Variants in ADGB observed in about 807,000 individuals in gnomAD.
The protein encoded by ADGB is calpain-7-like protein.
A neutral mutation model predicts 210.5 loss-of-function variants in ADGB; 172 were observed. The ratio of observed to expected loss-of-function variants is 0.82; its 90% CI spans 0.72 to 0.93. The LOEUF is 0.93. Ranked by LOEUF, ADGB falls within the 40% of genes least tolerant of loss-of-function variation. ADGB has a pLI of 0.00. For synonymous variants in ADGB, 658 were observed against 662.7 expected (o/e 0.99, Z 0.11); for missense variants, 2,025 against 1,964.8 (o/e 1.03, Z -0.58).
At chr6:146,745,826 A>T in intron 25 of ADGB, 96 bp from the exon 26 acceptor site, 1 of 920,374 alleles carries the variant, frequency 1.1e-6, no homozygotes, top group Middle Eastern at 2.4e-4. Flanking sequence ...CTGTAGGTAT[A>T]TCATAATAAT....
intron 29 of ADGB, among the ~76,000 whole-genome samples, chr6:146,772,595 T>C (rs1254622364): frequency 6.8e-6 from 1 of 147,284 alleles, no homozygotes; most frequent in Non-Finnish European, 1.5e-5. Context: ...CCTATATTAA[T>C]ATGTAATTAT....
chr6:146,622,582 A>G (rs1780910775), intron 1 of ADGB, among the ~76,000 whole-genome samples: 1 of 152,144 alleles, frequency 6.6e-6, no homozygotes. Context: ...AGAGTATTTG[A>G]TCAAATAGCT....
Position 146,601,533 on chromosome 6 carries a change from G to A in ADGB, c.74+2419G>A, listed in dbSNP as rs967775544. 6.6e-5 allele frequency among the ~76,000 whole-genome samples: 10 copies of A among 152,312 alleles called. No homozygotes were observed. The East Asian group carries it at 9.6e-4, about 15-fold the overall frequency. Reference sequence around the variant, plus strand: ...GACAAAGTGTTACTCAGTATGAGGCGTAGGGATCAAAGTCTAGCAAGGCTC... The same window carrying A: ...GACAAAGTGTTACTCAGTATGAGGCATAGGGATCAAAGTCTAGCAAGGCTC... On this transcript the variant is annotated intron_variant, in intron 1 of 35. Coordinates refer to ENST00000397944, the MANE Select transcript of ADGB (RefSeq NM_024694.4).
chr6:146,620,645 A>T (rs1404141521), intron 1 of ADGB, among the ~76,000 whole-genome samples: 1 of 151,428 alleles, frequency 6.6e-6, no homozygotes, highest in Non-Finnish European at 1.5e-5. Flanking sequence ...GTTTTTGAAA[A>T]ATTGTTTCTA....
chr6:146,780,740 A>G (rs559335691), intron 29 of ADGB, among the ~76,000 whole-genome samples: 3 of 152,326 alleles, frequency 2.0e-5, no homozygotes, highest in African/African-American at 7.2e-5. Context: ...CAATTCAACA[A>G]TAATCGTTGG....
chr6:146,623,287 A>C (rs1562257703), intron 1 of ADGB, among the ~76,000 whole-genome samples: 2 of 151,970 alleles, frequency 1.3e-5, no homozygotes, highest in South Asian at 2.1e-4. Context: ...TTGATGTCTT[A>C]ACTATATTGA....
intron 4 of ADGB, 35 bp downstream of exon 4, chr6:146,654,241 G>A: frequency 6.9e-7 from 1 of 1,439,758 alleles, no homozygotes; most frequent in Non-Finnish European, 9.5e-7. Context: ...GTCTCACCAT[G>A]AAATGACTTC....
chr6:146,721,575 C>T lies in ADGB; in HGVS notation c.2095+70C>T, dbSNP rs1296807193. 12 of 258,138 alleles carry T rather than the reference C, an allele frequency of 4.6e-5. No individual in the cohort carries two copies. In the African/African-American group the frequency reaches 6.4e-4, roughly 14 times the overall value. The allele number at this position is 258,138 out of a possible 1,614,324, so 16.0% of individuals were successfully genotyped here. The stretch of plus-strand genomic sequence containing the variant: ...GTTCAGGCTAGGGCGTGGTGGCTCA[C>T]GCCTGTAATCCCAGCACTTTGAGAG... On this transcript the variant is annotated intron_variant, in intron 17 of 35. Transcript: ENST00000397944.
chr6:146,698,638 T>C (rs1583595344), intron 12 of ADGB, among the ~76,000 whole-genome samples: 2 of 152,324 alleles, frequency 1.3e-5, no homozygotes, highest in African/African-American at 4.8e-5. Context: ...TGTCAAGCCA[T>C]GCGGGACAGC....
intron 7 of ADGB, among the ~76,000 whole-genome samples, chr6:146,671,271 A>G (rs891669604): frequency 6.6e-6 from 1 of 152,148 alleles, no homozygotes; most frequent in African/African-American, 2.4e-5. Context: ...GCAGGAGTGG[A>G]ACAGCGAGAC....
intron 7 of ADGB, among the ~76,000 whole-genome samples, chr6:146,670,428 C>A (rs1450710559): frequency 6.6e-6 from 1 of 152,128 alleles, no homozygotes; most frequent in Non-Finnish European, 1.5e-5. Context: ...ACTCACTCTA[C>A]CTTACGGTCC....
At chr6:146,666,730 C>G (rs538686802) in intron 6 of ADGB, 86 bp from the exon 7 acceptor site, 11 of 743,796 alleles carry the variant, frequency 1.5e-5, no homozygotes, top group Non-Finnish European at 2.0e-5. Context: ...GAATATATTG[C>G]TGTTTATTAA....
At chr6:146,683,150 C>G (rs1776180161) in intron 9 of ADGB, among the ~76,000 whole-genome samples, 1 of 152,100 alleles carries the variant, frequency 6.6e-6, no homozygotes, top group African/African-American at 2.4e-5. Context: ...CAGGCGCCAG[C>G]ACCTTGATCT....
Position 146,644,746 on chromosome 6 carries a change from G to GA in ADGB, c.238-21dup, listed in dbSNP as rs766836027. On this transcript the variant is annotated intron_variant, in intron 2 of 35. Coordinates refer to ENST00000397944, the MANE Select transcript of ADGB (RefSeq NM_024694.4). ...TTTTATTTTAATAAAAGAATATGCA[G>GA]AAAAAACTCAATTTATTTTTATATA... The GA allele has an allele frequency of 1.3e-5, 17 of 1,297,866 alleles. No individual in the cohort carries two copies. In the East Asian group the frequency reaches 2.5e-4, roughly 19 times the overall value. 80.4% of individuals were successfully genotyped at this position (1,297,866 alleles called of 1,614,324 possible). A position where few individuals can be genotyped will look rare whatever the true frequency, so the allele number is the denominator to read the frequency against.
intron 27 of ADGB, among the ~76,000 whole-genome samples, chr6:146,753,191 T>C (rs1777351987): frequency 6.6e-6 from 1 of 152,060 alleles, no homozygotes; most frequent in Non-Finnish European, 1.5e-5. Flanking sequence ...ATTCTGACTG[T>C]AAAAATCACA....
intron 13 of ADGB, among the ~76,000 whole-genome samples, chr6:146,714,025 C>A (rs185131192): frequency 9.2e-5 from 14 of 151,802 alleles, no homozygotes; most frequent in Non-Finnish European, 1.6e-4. Flanking sequence ...CTTATTTTTC[C>A]AATATTACCA....
rs1302844042 is a variant in ADGB, at chr6:146,784,776, G to A, written c.4194G>A (p.Glu1398=). Residue 1398 remains glutamate, a synonymous_variant, in exon 31 of 36, where the codon GAG becomes GAA. Coordinates refer to ENST00000397944, the MANE Select transcript of ADGB (RefSeq NM_024694.4). ...RAMKQAWETT[E]PGRAIKASQA... ...TGAAACAAGCCTGGGAGACAACTGAGCCAGGAAGAGCAATCAAGGTCACCT... is the reference window on the plus strand; with the variant it reads ...TGAAACAAGCCTGGGAGACAACTGAACCAGGAAGAGCAATCAAGGTCACCT... The A allele has an allele frequency of 1.9e-6, 3 of 1,548,364 alleles. No homozygotes were observed. Among genetic ancestry groups the A allele is most frequent in the East Asian group, 4.9e-5 (2 of 40,824 alleles).
chr6:146,653,138 TC>T (rs1418713482), intron 3 of ADGB, among the ~76,000 whole-genome samples: 3 of 152,042 alleles, frequency 2.0e-5, no homozygotes, highest in African/African-American at 7.2e-5. Context: ...GGTTGCATGC[TC>T]CTTATGAGAA....
intron 3 of ADGB, among the ~76,000 whole-genome samples, chr6:146,652,063 T>G (rs972075113): frequency 7.9e-5 from 12 of 152,150 alleles, no homozygotes; most frequent in African/African-American, 2.9e-4. Context: ...GAGCATTGAA[T>G]GTGTTGAATA....
Sources: allele counts gnomAD v4.1 joint callset (sites outside exome capture counted in the v4.1 genomes callset), GRCh38; gene constraint gnomAD v4.1.1; transcripts MANE v1.5; gene names NCBI Gene and HGNC (gene_info 2026-07-23, HGNC 2026-07-21).